CEP350: variants seen among roughly 807,000 people sequenced by gnomAD.
CEP350 encodes centrosome-associated protein 350.
In CEP350, 126 loss-of-function variants were observed where a neutral mutation model predicts 331.8. That is an observed-to-expected ratio of 0.38 (90% confidence interval 0.33 to 0.44). The LOEUF (loss-of-function observed/expected upper bound fraction) is 0.44, where lower values mean the gene tolerates loss of function less well. Among genes scored for constraint, CEP350 ranks in the 20% least tolerant of loss-of-function variants. The pLI, the probability that CEP350 is intolerant of heterozygous loss-of-function variation, is 1.00. For missense variants in CEP350, 3,406 were observed against 3,634.6 expected (o/e 0.94, Z 1.62); for synonymous variants, 1,200 against 1,259.5 (o/e 0.95, Z 1.00).
rs926842773 is a variant in CEP350 at position 180,022,909 on chromosome 1, A to G, written c.3386+61A>G. The stretch of plus-strand genomic sequence containing the variant: ...GAGTGAGAAAAATGTACAAATGAGA[A>G]CTCTGGTCTGAATATTAGCCAAGTT... On this transcript the variant is annotated intron_variant, in intron 13 of 37. Transcript: ENST00000367607. The G allele has an allele frequency of 3.4e-6, 5 of 1,451,316 alleles. 1 individual carries two copies. Among genetic ancestry groups the G allele is most frequent in the South Asian group, 2.6e-5 (2 of 75,884 alleles). 89.9% of individuals were successfully genotyped at this position (1,451,316 alleles called of 1,614,324 possible). A position where few individuals can be genotyped will look rare whatever the true frequency, so the allele number is the denominator to read the frequency against.
At chr1:180,068,954 A>G (rs1332974697) in intron 27 of CEP350, among the ~76,000 whole-genome samples, 1 of 152,202 alleles carries the variant, frequency 6.6e-6, no homozygotes, top group Non-Finnish European at 1.5e-5. Flanking sequence ...ATTTTCATGG[A>G]TGAGTGTACT....
rs1660298590 is a variant in CEP350 at position 180,093,248 on chromosome 1, G to A, written c.7143G>A (p.Val2381=). The A allele has an allele frequency of 1.9e-6, 3 of 1,601,868 alleles. No homozygotes were observed. Among genetic ancestry groups the A allele is most frequent in the Non-Finnish European group, 2.6e-6 (3 of 1,173,278 alleles). ...TACCATACTCTGAAGATTTTGAAGTGTCTTCTTTCAAGAAAGAAATTTCAG... is the reference window on the plus strand; with the variant it reads ...TACCATACTCTGAAGATTTTGAAGTATCTTCTTTCAAGAAAGAAATTTCAG... ...KEIPYSEDFE[V]SSFKKEISAE... The change falls in exon 34 of 38, where the codon GTG becomes GTA. Residue 2381 remains valine, a synonymous_variant. Coordinates refer to ENST00000367607, the MANE Select transcript of CEP350 (RefSeq NM_014810.5).
intron 15 of CEP350, among the ~76,000 whole-genome samples, chr1:180,032,814 A>G (rs1443156677): frequency 1.3e-5 from 2 of 152,094 alleles, no homozygotes; most frequent in African/African-American, 2.4e-5. Context: ...GGTGCAGAGT[A>G]CTTTGTTTTC....
chr1:179,996,889 C>G lies in CEP350; in HGVS notation c.732C>G (p.Ala244=), dbSNP rs775481894. 1 of 1,613,902 alleles carries G rather than the reference C, an allele frequency of 6.2e-7. No homozygotes were observed. Among genetic ancestry groups the G allele is most frequent in the Admixed American group, 1.7e-5 (1 of 60,024 alleles). Residue 244 remains alanine, a synonymous_variant, in exon 6 of 38, where the codon GCC becomes GCG. Transcript: ENST00000367607. The part of the protein sequence containing the change: ...NNLKLSVNNM[A]HDTDPKALRL... ...TGAAGCTTTCTGTGAATAACATGGCCCATGATACTGATCCAAAAGCGTTAC... is the reference window on the plus strand; with the variant it reads ...TGAAGCTTTCTGTGAATAACATGGCGCATGATACTGATCCAAAAGCGTTAC...
At chr1:179,998,180 T>G (rs972556422) in intron 6 of CEP350, among the ~76,000 whole-genome samples, 4 of 152,096 alleles carry the variant, frequency 2.6e-5, no homozygotes, top group African/African-American at 9.6e-5. Flanking sequence ...TAGATTTTTG[T>G]TATTTAAACT....
chr1:179,973,685 T>G lies in CEP350; in HGVS notation c.-13-12484T>G, dbSNP rs149278806. Among the ~76,000 whole-genome samples the G allele has an allele frequency of 8.0e-3, 1,213 of 152,370 alleles. 10 individuals carry two copies. Among genetic ancestry groups the G allele is most frequent in the South Asian group, 0.023 (110 of 4,832 alleles). ...ATTATGTGACTACTTGTAGCGCTTT[T>G]CTTTGCCCTGTTATCAGCGGGTCAA... On this transcript the variant is annotated intron_variant, in intron 1 of 37. Transcript: ENST00000367607.
intron 32 of CEP350, among the ~76,000 whole-genome samples, chr1:180,090,373 C>T (rs889674546): frequency 6.6e-6 from 1 of 151,030 alleles, no homozygotes; most frequent in African/African-American, 2.4e-5. Context: ...AGTGAAACCC[C>T]GCCTCTACTA....
chr1:180,096,568 T>C (rs926295601), intron 36 of CEP350, among the ~76,000 whole-genome samples: 1 of 152,218 alleles, frequency 6.6e-6, no homozygotes, highest in Non-Finnish European at 1.5e-5. Context: ...AAAGTACATA[T>C]GAATACGTGT....
At position 180,112,824 on chromosome 1, in the gene CEP350, A is replaced by G. The variant is rs1661523435; in HGVS notation, c.*1663A>G. 6.6e-6 allele frequency: 1 copy of G among 152,642 alleles called. No homozygotes were observed. Among genetic ancestry groups the G allele is most frequent in the Non-Finnish European group, 1.5e-5 (1 of 68,042 alleles). The allele number at this position is 152,642 out of a possible 1,614,324, so 9.5% of individuals were successfully genotyped here. A position where few individuals can be genotyped will look rare whatever the true frequency, so the allele number is the denominator to read the frequency against. On this transcript the variant is annotated 3_prime_UTR_variant, in exon 38 of 38. Transcript: ENST00000367607. Reference sequence around the variant, plus strand: ...TTGCATCTTAAATATTTCACTATGCACACTCCCATTCCTCTTGGGTTTCAT... The same window carrying G: ...TTGCATCTTAAATATTTCACTATGCGCACTCCCATTCCTCTTGGGTTTCAT...
intron 11 of CEP350, among the ~76,000 whole-genome samples, 176 bp from the exon 12 acceptor site, chr1:180,019,773 A>C (rs1041933541): frequency 6.6e-6 from 1 of 152,188 alleles, no homozygotes; most frequent in African/African-American, 2.4e-5. Flanking sequence ...TTCTAAATGA[A>C]ATATTAACAG....
rs532507277 is a variant in CEP350 at position 179,988,296 on chromosome 1, C to CAA, written c.120+1027_120+1028dup. On this transcript the variant is annotated intron_variant, in intron 3 of 37. Transcript: ENST00000367607. ...TGGGCGACAGAGTGAGATCCTGTCT[C>CAA]AAAAAAAAAAAAAAAAAATTTAAAA... is the stretch of plus-strand genomic sequence containing the variant. Among the ~76,000 whole-genome samples, 521 of 86,680 alleles carry CAA rather than the reference C, an allele frequency of 6.0e-3. 3 individuals are homozygous for CAA. The highest frequency in any genetic ancestry group is 0.02 in the African/African-American group (485 of 24,688). The allele number at this position is 86,680 out of a possible 152,430, so 56.9% of individuals were successfully genotyped here. A position where few individuals can be genotyped will look rare whatever the true frequency, so the allele number is the denominator to read the frequency against.
chr1:180,037,158 A>G (rs912970303), intron 17 of CEP350, 69 bp downstream of exon 17: 12 of 1,378,806 alleles, frequency 8.7e-6, no homozygotes, highest in Non-Finnish European at 1.2e-5. Flanking sequence ...GGTCTTAATG[A>G]TGACTTAAAC....
rs762781537 is a variant in CEP350, at chr1:179,992,097, C to G, written c.271C>G (p.Pro91Ala). 5.8e-6 allele frequency: 9 copies of G among 1,554,568 alleles called. No homozygotes were observed. The East Asian group carries it at 1.9e-4, about 33-fold the overall frequency. Residue 91 changes from proline (P) to alanine (A), a missense_variant, in exon 5 of 38, where the codon CCA becomes GCA. This residue lies in a region of CEP350 where 1,857 missense variants were observed against 1,909.2 expected (regional missense o/e 0.97). Transcript: ENST00000367607. The stretch of plus-strand genomic sequence containing the variant: ...CCTGGATGATTCTTGGGTTAATGCT[C>G]CAATCTCCAAATCCACTAAATCACG... Reference protein sequence around the residue: ...RYLDDSWVNAPISKSTKSRKE... With the variant: ...RYLDDSWVNAAISKSTKSRKE...
At chr1:180,049,543 CTTTT>C (rs34061683) in intron 22 of CEP350, among the ~76,000 whole-genome samples, 6 of 130,176 alleles carry the variant, frequency 4.6e-5, no homozygotes, top group Admixed American at 1.5e-4. Context: ...TTACTTACAC[CTTTT>C]TTTTTTTTTT....
At chr1:179,968,714 C>T (rs1434295414) in intron 1 of CEP350, 6 of 571,134 alleles carry the variant, frequency 1.1e-5, no homozygotes, top group African/African-American at 3.7e-5. Flanking sequence ...GCAGGAGGAA[C>T]CCACTTAGAT....
intron 14 of CEP350, among the ~76,000 whole-genome samples, chr1:180,027,211 A>G (rs536470503): frequency 7.9e-5 from 12 of 152,302 alleles, no homozygotes; most frequent in African/African-American, 2.9e-4. Flanking sequence ...AGGCACACAC[A>G]AATAGGCAAT....
intron 34 of CEP350, 143 bp from the exon 35 acceptor site, chr1:180,095,380 G>A (rs1660425567): frequency 9.7e-6 from 9 of 931,536 alleles, no homozygotes; most frequent in Non-Finnish European, 1.1e-5. Context: ...TTGTTTATTA[G>A]TAGCCACCAT....
rs1049422510 is a variant in CEP350 at position 179,955,092 on chromosome 1, A to G, written c.-64A>G. 7 of 1,465,418 alleles carry G rather than the reference A, an allele frequency of 4.8e-6. No individual in the cohort carries two copies. The African/African-American group carries it at 8.8e-5, about 18-fold the overall frequency. The allele number at this position is 1,465,418 out of a possible 1,614,324, so 90.8% of individuals were successfully genotyped here. ...GGGCGGCGTCACTGCACCCTCCGCC[A>G]GGCTCCGCGGGATGCACCGTGGTAG... On this transcript the variant is annotated 5_prime_UTR_variant, in exon 1 of 38. Transcript: ENST00000367607.
rs1659371007 is a variant in CEP350, at chr1:180,078,528, C to G, written c.5833C>G (p.Pro1945Ala). The change falls in exon 29 of 38, where the codon CCA becomes GCA. Residue 1945 changes from proline (P) to alanine (A), a missense_variant. Transcript: ENST00000367607. The part of the protein sequence containing the change: ...YSHLNSESSI[P>A]EELGSPAVEY... Reference sequence around the variant, plus strand: ...TCATCTAAACAGTGAAAGCTCCATTCCAGAAGAATTAGGCAGCCCTGCTGT... The same window carrying G: ...TCATCTAAACAGTGAAAGCTCCATTGCAGAAGAATTAGGCAGCCCTGCTGT... 6.2e-7 allele frequency: 1 copy of G among 1,613,582 alleles called. No individual in the cohort carries two copies. The highest frequency in any genetic ancestry group is 1.1e-5 in the South Asian group (1 of 90,988).
Sources: allele counts gnomAD v4.1 joint callset (sites outside exome capture counted in the v4.1 genomes callset), GRCh38; gene constraint gnomAD v4.1.1; regional missense constraint gnomAD v4.1.1; transcripts MANE v1.5; gene names NCBI Gene and HGNC (gene_info 2026-07-23, HGNC 2026-07-21).